The following PTPRG variants were observed in gnomAD, a reference collection of about 807,000 sequenced individuals.
PTPRG encodes protein tyrosine phosphatase receptor type G, also known as receptor-type tyrosine-protein phosphatase gamma.
A neutral mutation model predicts 165.3 loss-of-function variants in PTPRG; 102 were observed. The observed-to-expected ratio is 0.62, with a 90% CI of 0.53 to 0.73. The LOEUF is 0.73. Among genes scored for constraint, PTPRG ranks in the 30% least tolerant of loss-of-function variants. The probability of loss-of-function intolerance (pLI) is 0.00; values close to 1 mark genes in which losing one functional copy is unlikely to be tolerated. For synonymous variants in PTPRG, 675 were observed against 669.5 expected, an observed-to-expected ratio of 1.01 and a Z score of -0.13; for missense variants, 1,866 against 1,861.4, an observed-to-expected ratio of 1.00 and a Z score of -0.05.
At chr3:61,575,479 C>T (rs1700154844) in intron 1 of PTPRG, among the ~76,000 whole-genome samples, 1 of 151,740 alleles carries the variant, frequency 6.6e-6, no homozygotes, top group African/African-American at 2.4e-5. Flanking sequence ...AGTTACTTAA[C>T]TTTATTGGTT....
At chr3:62,113,873 A>G (rs1003867463) in intron 5 of PTPRG, among the ~76,000 whole-genome samples, 11 of 152,236 alleles carry the variant, frequency 7.2e-5, no homozygotes, top group Admixed American at 6.5e-4. Context: ...GCCATAATTC[A>G]TAGTAGGTAG....
At chr3:62,013,890 G>A (rs2041483121) in intron 4 of PTPRG, among the ~76,000 whole-genome samples, 1 of 151,702 alleles carries the variant, frequency 6.6e-6, no homozygotes, top group Non-Finnish European at 1.5e-5. Context: ...CCACTTCCAA[G>A]CTCGGGAACT....
chr3:61,617,968 T>C (rs1449494248), intron 1 of PTPRG, among the ~76,000 whole-genome samples: 1 of 152,232 alleles, frequency 6.6e-6, no homozygotes, highest in Non-Finnish European at 1.5e-5. Context: ...AATTGAAATC[T>C]AAAAATTTCA....
At chr3:61,995,911 C>G (rs73087412) in intron 3 of PTPRG, among the ~76,000 whole-genome samples, 15,687 of 152,000 alleles carry the variant, frequency 0.1, 1,016 homozygotes, top group Middle Eastern at 0.24. Flanking sequence ...GATCTCTCCA[C>G]GAGCCTTTAC....
chr3:61,709,720 T>C (rs2031455461), intron 1 of PTPRG, among the ~76,000 whole-genome samples: 1 of 152,180 alleles, frequency 6.6e-6, no homozygotes, highest in Non-Finnish European at 1.5e-5. Context: ...AATTTTGCAA[T>C]GCCTCCTCTT....
Position 61,748,874 on chromosome 3 carries a change from C to G in PTPRG, c.86-4C>G. On this transcript the variant is annotated splice_region_variant and splice_polypyrimidine_tract_variant and intron_variant, in intron 1 of 29. Coordinates refer to ENST00000474889, the MANE Select transcript of PTPRG (RefSeq NM_002841.4). Reference sequence around the variant, plus strand: ...GTCTCATTGTGGGTTTTCCTCTCTTCCAGCGTTGACAGAAGGCTACGTTGG... The same window carrying G: ...GTCTCATTGTGGGTTTTCCTCTCTTGCAGCGTTGACAGAAGGCTACGTTGG... The G allele has an allele frequency of 6.2e-7, 1 of 1,612,656 alleles. No individual in the cohort carries two copies. Among genetic ancestry groups the G allele is most frequent in the Non-Finnish European group, 8.5e-7 (1 of 1,179,698 alleles).
intron 1 of PTPRG, among the ~76,000 whole-genome samples, chr3:61,581,334 T>TG (rs1401609533): frequency 6.6e-6 from 1 of 152,188 alleles, no homozygotes; most frequent in Non-Finnish European, 1.5e-5. Flanking sequence ...GTAAAAGCTC[T>TG]GGGGTAAGAA....
chr3:61,745,963 C>A (rs1436606011), intron 1 of PTPRG, among the ~76,000 whole-genome samples: 3 of 152,176 alleles, frequency 2.0e-5, no homozygotes, highest in Non-Finnish European at 4.4e-5. Context: ...AATAGACCCT[C>A]AGAGAGGGCT....
intron 2 of PTPRG, among the ~76,000 whole-genome samples, chr3:61,909,571 G>A (rs2038749345): frequency 6.6e-6 from 1 of 151,882 alleles, no homozygotes; most frequent in African/African-American, 2.4e-5. Context: ...GGCTCGTCTT[G>A]AGCTCCTGGG....
At chr3:61,574,496 T>C (rs1193546399) in intron 1 of PTPRG, among the ~76,000 whole-genome samples, 1 of 152,194 alleles carries the variant, frequency 6.6e-6, no homozygotes, top group Non-Finnish European at 1.5e-5. Context: ...TTTTCTCTTA[T>C]TTACATGTGT....
chr3:61,720,905 C>T (rs1012556422), intron 1 of PTPRG, among the ~76,000 whole-genome samples: 5 of 152,228 alleles, frequency 3.3e-5, no homozygotes, highest in African/African-American at 1.2e-4. Context: ...CTTGTTTCTG[C>T]TGCGTTGGCC....
rs1217538875 is a variant in PTPRG at position 61,719,929 on chromosome 3, T to C, written c.86-28949T>C. On this transcript the variant is annotated intron_variant, in intron 1 of 29. Transcript: ENST00000474889. The stretch of plus-strand genomic sequence containing the variant: ...CTGCTTCTGTGAGTCTTTGCTCAAA[T>C]GTCACATTTTCCTAAGGCCTTTGCT... 2.0e-5 allele frequency among the ~76,000 whole-genome samples: 3 copies of C among 152,238 alleles called. No homozygotes were observed. The East Asian group carries it at 5.8e-4, about 29-fold the overall frequency.
At chr3:61,615,138 G>A (rs1180789442) in intron 1 of PTPRG, among the ~76,000 whole-genome samples, 2 of 152,198 alleles carry the variant, frequency 1.3e-5, no homozygotes, top group Admixed American at 6.5e-5. Context: ...AAGAACAGTC[G>A]TGTATCACAA....
At position 61,692,272 on chromosome 3, in the gene PTPRG, A is replaced by G. The variant is rs192212176; in HGVS notation, c.86-56606A>G. Among the ~76,000 whole-genome samples, 344 of 152,354 alleles carry G rather than the reference A, an allele frequency of 2.3e-3. 1 individual carries two copies. Among genetic ancestry groups the G allele is most frequent in the African/African-American group, 8.0e-3 (334 of 41,588 alleles). Reference sequence around the variant, plus strand: ...ACCAGAGTTCAAATCTCCATGGCACAACTTAGTAGCAATACATCCTTGCAT... The same window carrying G: ...ACCAGAGTTCAAATCTCCATGGCACGACTTAGTAGCAATACATCCTTGCAT... On this transcript the variant is annotated intron_variant, in intron 1 of 29. Transcript: ENST00000474889.
intron 14 of PTPRG, among the ~76,000 whole-genome samples, chr3:62,242,825 G>A (rs1701193637): frequency 6.6e-6 from 1 of 152,132 alleles, no homozygotes; most frequent in Non-Finnish European, 1.5e-5. Context: ...AAGCAAAGCT[G>A]TAATGTGTGT....
rs2033038131 is a variant in PTPRG, at chr3:61,742,595, C to T, written c.86-6283C>T. ...ACAAGCTCATCGGCTGTCATCTTCA[C>T]GTGACCAACAGCTACAGCCAGACAT... On this transcript the variant is annotated intron_variant, in intron 1 of 29. Coordinates refer to ENST00000474889, the MANE Select transcript of PTPRG (RefSeq NM_002841.4). 49 of 1,598,206 alleles carry T rather than the reference C, an allele frequency of 3.1e-5. No individual in the cohort carries two copies. In the South Asian group the frequency reaches 4.7e-4, roughly 15 times the overall value.
At chr3:62,250,994 G>A (rs1032003265) in intron 15 of PTPRG, among the ~76,000 whole-genome samples, 4 of 152,198 alleles carry the variant, frequency 2.6e-5, no homozygotes, top group African/African-American at 9.6e-5. Flanking sequence ...TTCAGGTACT[G>A]ATTCTCTACA....
At chr3:61,706,202 T>TGG (rs372040498) in intron 1 of PTPRG, among the ~76,000 whole-genome samples, 1,690 of 150,840 alleles carry the variant, frequency 0.011, 31 homozygotes, top group African/African-American at 0.038. Context: ...AGAAATACCC[T>TGG]GGGGGGGAAA....
At position 61,583,621 on chromosome 3, in the gene PTPRG, T is replaced by C. The variant is rs554220570; in HGVS notation, c.85+21249T>C. 5.3e-5 allele frequency among the ~76,000 whole-genome samples: 8 copies of C among 152,322 alleles called. No individual in the cohort carries two copies. In the South Asian group the frequency reaches 1.5e-3, roughly 28 times the overall value. On this transcript the variant is annotated intron_variant, in intron 1 of 29. Coordinates refer to ENST00000474889, the MANE Select transcript of PTPRG (RefSeq NM_002841.4). ...TCTCCTCTCCTCTCTGTGTTCTTGATGGGATCATCTGCTGATTAAGGAGCT... is the reference window on the plus strand; with the variant it reads ...TCTCCTCTCCTCTCTGTGTTCTTGACGGGATCATCTGCTGATTAAGGAGCT...
Sources: gnomAD v4.1 joint callset for allele counts (sites outside exome capture counted in the v4.1 genomes callset) on GRCh38, gnomAD v4.1.1 for gene constraint, MANE v1.5 for transcripts, NCBI Gene and HGNC (gene_info 2026-07-23, HGNC 2026-07-21) for gene names.